TBC1D22B: variants seen among roughly 807,000 people sequenced by gnomAD.
The protein encoded by TBC1D22B is TBC1 domain family member 22B, also known as chromosome 6 open reading frame 197.
In TBC1D22B, 32 loss-of-function variants were observed where a neutral mutation model predicts 69.1. The ratio of observed to expected loss-of-function variants is 0.46; its 90% CI spans 0.35 to 0.62. The LOEUF is 0.62. Among genes scored for constraint, TBC1D22B ranks in the 20% least tolerant of loss-of-function variants. The pLI, the probability that TBC1D22B is intolerant of heterozygous loss-of-function variation, is 0.00. For synonymous variants in TBC1D22B, 206 were observed against 229.8 expected, an observed-to-expected ratio of 0.90 and a Z score of 0.94; for missense variants, 462 against 630.9, an observed-to-expected ratio of 0.73 and a Z score of 2.87.
intron 5 of TBC1D22B, 130 bp from the exon 6 acceptor site, chr6:37,284,206 A>G: frequency 6.9e-7 from 1 of 1,448,274 alleles, no homozygotes; most frequent in African/African-American, 1.4e-5. Context: ...GGTGGCCAGA[A>G]CCAAAAAGGG....
intron 8 of TBC1D22B, among the ~76,000 whole-genome samples, chr6:37,303,680 C>T (rs1767629656): frequency 6.6e-6 from 1 of 152,196 alleles, no homozygotes; most frequent in Non-Finnish European, 1.5e-5. Context: ...CTGCTCCCTG[C>T]TTCGCCCCTT....
At chr6:37,311,475 C>T (rs918623788) in intron 8 of TBC1D22B, among the ~76,000 whole-genome samples, 1 of 151,856 alleles carries the variant, frequency 6.6e-6, no homozygotes, top group Admixed American at 6.6e-5. Context: ...AGTTTGAGAC[C>T]AGCCTGGGAA....
chr6:37,269,085 G>T (rs183841799), intron 1 of TBC1D22B, among the ~76,000 whole-genome samples: 3 of 152,118 alleles, frequency 2.0e-5, no homozygotes, highest in East Asian at 1.9e-4. Context: ...GGGTCTTAGG[G>T]TATGCATATT....
chr6:37,318,788 A>G (rs1362507057), intron 12 of TBC1D22B, among the ~76,000 whole-genome samples: 1 of 152,172 alleles, frequency 6.6e-6, no homozygotes, highest in Non-Finnish European at 1.5e-5. Context: ...TTCCAGGGTC[A>G]GGGAAATAAG....
intron 12 of TBC1D22B, among the ~76,000 whole-genome samples, chr6:37,317,546 GTC>G (rs1407396444): frequency 1.3e-5 from 2 of 152,180 alleles, no homozygotes; most frequent in African/African-American, 2.4e-5. Flanking sequence ...AAACAGAGAG[GTC>G]TCTGTTCTCA....
At chr6:37,316,334 G>A (rs1423927813) in intron 10 of TBC1D22B, among the ~76,000 whole-genome samples, 1 of 152,188 alleles carries the variant, frequency 6.6e-6, no homozygotes, top group Non-Finnish European at 1.5e-5. Flanking sequence ...GTAGGAGGGT[G>A]GCCAAGGTGA....
At chr6:37,291,192 G>C in intron 7 of TBC1D22B, 51 bp from the exon 8 acceptor site, 1 of 1,269,266 alleles carries the variant, frequency 7.9e-7, no homozygotes, top group Non-Finnish European at 1.1e-6. Flanking sequence ...GAGGGAAGGA[G>C]TGTGTGTCCC....
At chr6:37,286,411 G>A (rs967701447) in intron 6 of TBC1D22B, among the ~76,000 whole-genome samples, 7 of 151,680 alleles carry the variant, frequency 4.6e-5, no homozygotes, top group Admixed American at 2.0e-4. Context: ...CACCTCCCGG[G>A]TTCACACCAT....
chr6:37,299,299 A>G (rs1335459036), intron 8 of TBC1D22B, among the ~76,000 whole-genome samples: 1 of 152,074 alleles, frequency 6.6e-6, no homozygotes, highest in Non-Finnish European at 1.5e-5. Flanking sequence ...TGTATATTAG[A>G]TAAATTTATC....
chr6:37,291,054 C>T (rs1767163214), intron 7 of TBC1D22B, among the ~76,000 whole-genome samples, 189 bp from the exon 8 acceptor site: 1 of 152,064 alleles, frequency 6.6e-6, no homozygotes, highest in South Asian at 2.1e-4. Context: ...AAGTATCTAC[C>T]CCTACTTGAA....
In TBC1D22B at chr6:37,331,228, C is replaced by G. The variant is rs1581643601; in HGVS notation, c.*56C>G. The G allele has an allele frequency of 1.4e-5, 22 of 1,586,694 alleles. No individual in the cohort carries two copies. The highest frequency in any genetic ancestry group is 1.8e-5 in the Non-Finnish European group (21 of 1,157,988). On this transcript the variant is annotated 3_prime_UTR_variant, in exon 13 of 13. Transcript: ENST00000373491. ...TTCATCTCTGATGGCAGTCTGATCA[C>G]TGTGGCCACTGTGCGAGCCGTGGAC...
intron 12 of TBC1D22B, among the ~76,000 whole-genome samples, chr6:37,320,295 T>C (rs938023819): frequency 1.2e-4 from 18 of 152,154 alleles, no homozygotes; most frequent in African/African-American, 4.3e-4. Flanking sequence ...TCTCACACTT[T>C]CCTAAACATG....
chr6:37,283,197 GGAA>G (rs745864804), intron 5 of TBC1D22B, among the ~76,000 whole-genome samples: 7 of 152,310 alleles, frequency 4.6e-5, no homozygotes, highest in Non-Finnish European at 8.8e-5. Flanking sequence ...TTAACAGCGA[GGAA>G]GAAGAATAGA....
At chr6:37,258,096 GC>G (rs1765886966) in intron 1 of TBC1D22B, 123 bp downstream of exon 1, 4 of 1,111,434 alleles carry the variant, frequency 3.6e-6, no homozygotes. Flanking sequence ...AGCTGGGACT[GC>G]CTGGTGGCGG....
chr6:37,300,738 A>G (rs959272928), intron 8 of TBC1D22B, among the ~76,000 whole-genome samples: 3 of 152,180 alleles, frequency 2.0e-5, no homozygotes, highest in African/African-American at 7.2e-5. Context: ...CTTTAAAAAA[A>G]TACTGTCTTG....
chr6:37,309,654 T>C (rs1052411770), intron 8 of TBC1D22B, among the ~76,000 whole-genome samples: 2 of 152,158 alleles, frequency 1.3e-5, no homozygotes, highest in African/African-American at 4.8e-5. Flanking sequence ...TGCACCGTTG[T>C]GAGGCTAGTC....
At position 37,314,693 on chromosome 6, in the gene TBC1D22B, G is replaced by A. The variant is rs1322464578; in HGVS notation, c.1165+802G>A. Among the ~76,000 whole-genome samples the A allele has an allele frequency of 2.0e-5, 3 of 152,124 alleles. No individual in the cohort carries two copies. The East Asian group carries it at 5.8e-4, about 29-fold the overall frequency. On this transcript the variant is annotated intron_variant, in intron 10 of 12. Coordinates refer to ENST00000373491, the MANE Select transcript of TBC1D22B (RefSeq NM_017772.4). The stretch of plus-strand genomic sequence containing the variant: ...TAGGACTCTGCCTGTCCTGACACCA[G>A]CTAACAAATGTTATTCCCAGGCTTT...
chr6:37,296,600 C>T (rs1368063723), intron 8 of TBC1D22B, among the ~76,000 whole-genome samples: 4 of 152,138 alleles, frequency 2.6e-5, no homozygotes, highest in Non-Finnish European at 4.4e-5. Flanking sequence ...CCTCCTGCCT[C>T]AGCTTCCCAA....
intron 8 of TBC1D22B, among the ~76,000 whole-genome samples, chr6:37,297,761 C>T (rs1255815340): frequency 6.6e-6 from 1 of 152,158 alleles, no homozygotes; most frequent in Non-Finnish European, 1.5e-5. Flanking sequence ...TTTATTGCAA[C>T]ACTGTTCACA....
Sources: gnomAD v4.1 joint callset for allele counts (sites outside exome capture counted in the v4.1 genomes callset) on GRCh38, gnomAD v4.1.1 for gene constraint, MANE v1.5 for transcripts, NCBI Gene and HGNC (gene_info 2026-07-23, HGNC 2026-07-21) for gene names.